The following DLC1 variants were observed in gnomAD, a reference collection of about 807,000 sequenced individuals.
DLC1 encodes DLC1 Rho GTPase activating protein, also known as rho GTPase-activating protein 7.
Under a neutral mutation model 140.3 loss-of-function variants are expected in DLC1, and 54 were observed. The observed-to-expected ratio is 0.38, with a 90% CI of 0.31 to 0.48. The LOEUF is 0.48. Among genes scored for constraint, DLC1 ranks in the 20% least tolerant of loss-of-function variants. The probability of loss-of-function intolerance (pLI) is 0.96; values close to 1 mark genes in which losing one functional copy is unlikely to be tolerated. For missense variants in DLC1, 2,536 were observed against 1,907.0 expected (o/e 1.33, Z -6.14); for synonymous variants, 986 against 728.1 (o/e 1.35, Z -5.70).
chr8:13,514,166 A>C (rs972243652), intron 1 of DLC1, among the ~76,000 whole-genome samples: 1 of 152,042 alleles, frequency 6.6e-6, no homozygotes, highest in Non-Finnish European at 1.5e-5. Context: ...CTCTTTGGAG[A>C]CTGATTATTA....
chr8:13,201,921 G>GTTTTTTTTTTTTTTTTT (rs35475930), intron 5 of DLC1, among the ~76,000 whole-genome samples: 1 of 101,804 alleles, frequency 9.8e-6, no homozygotes, highest in Non-Finnish European at 2.0e-5. Flanking sequence ...TACCCAAAAG[G>GTTTTTTTTTTTTTTTTT]TTTTTTTTTT....
At chr8:13,446,761 T>C (rs1798792618) in intron 2 of DLC1, among the ~76,000 whole-genome samples, 1 of 152,022 alleles carries the variant, frequency 6.6e-6, no homozygotes, top group Non-Finnish European at 1.5e-5. Flanking sequence ...GCCAACATGG[T>C]GAAACCCTGT....
intron 5 of DLC1, among the ~76,000 whole-genome samples, chr8:13,207,930 C>A (rs1269776531): frequency 6.6e-6 from 1 of 152,144 alleles, no homozygotes; most frequent in African/African-American, 2.4e-5. Context: ...CATTTTAAAA[C>A]AGTTTGGAGG....
intron 4 of DLC1, among the ~76,000 whole-genome samples, chr8:13,347,369 C>T (rs192606398): frequency 2.0e-5 from 3 of 152,226 alleles, no homozygotes; most frequent in Admixed American, 2.0e-4. Context: ...ACACAGAGAG[C>T]CCTAAACATA....
intron 5 of DLC1, among the ~76,000 whole-genome samples, chr8:13,204,771 G>A (rs1007895722): frequency 6.6e-6 from 1 of 152,124 alleles, no homozygotes; most frequent in African/African-American, 2.4e-5. Context: ...TCACACTGTG[G>A]CTGGAAATTC....
intron 1 of DLC1, among the ~76,000 whole-genome samples, chr8:13,565,991 TGTAAG>T (rs1357278614): frequency 2.6e-5 from 4 of 152,184 alleles, no homozygotes; most frequent in Non-Finnish European, 5.9e-5. Flanking sequence ...TCTGGACGTG[TGTAAG>T]GTAAGATTTA....
intron 3 of DLC1, among the ~76,000 whole-genome samples, chr8:13,398,417 C>G (rs289572): frequency 0.35 from 53,298 of 151,560 alleles, 10,096 homozygotes; most frequent in East Asian, 0.77. Flanking sequence ...ACTGCTGGAT[C>G]TGTCAAATAA....
intron 1 of DLC1, among the ~76,000 whole-genome samples, chr8:13,502,509 G>T (rs1469063816): frequency 6.6e-6 from 1 of 152,000 alleles, no homozygotes; most frequent in East Asian, 1.9e-4. Context: ...ATTTTGATTT[G>T]TAAGATTTAT....
chr8:13,201,092 T>G (rs1228115192), intron 5 of DLC1, among the ~76,000 whole-genome samples: 9 of 152,018 alleles, frequency 5.9e-5, no homozygotes, highest in Admixed American at 1.3e-4. Context: ...CCTTCTTCCC[T>G]TCAAATAATA....
At chr8:13,284,639 A>G (rs992775004) in intron 5 of DLC1, among the ~76,000 whole-genome samples, 1 of 146,544 alleles carries the variant, frequency 6.8e-6, no homozygotes, top group Non-Finnish European at 1.5e-5. Flanking sequence ...GATCAATACA[A>G]TTGCTTAATC....
At chr8:13,248,160 C>T (rs1368376637) in intron 5 of DLC1, among the ~76,000 whole-genome samples, 1 of 152,208 alleles carries the variant, frequency 6.6e-6, no homozygotes, top group Non-Finnish European at 1.5e-5. Flanking sequence ...TTGTCCAGCA[C>T]TCCTTTGCTC....
intron 4 of DLC1, among the ~76,000 whole-genome samples, chr8:13,357,028 G>T (rs183985558): frequency 2.0e-4 from 31 of 151,908 alleles, no homozygotes; most frequent in African/African-American, 6.8e-4. Flanking sequence ...CAACACTTAG[G>T]GGGGCTGAGG....
At chr8:13,260,981 C>A (rs1422489536) in intron 5 of DLC1, among the ~76,000 whole-genome samples, 2 of 152,092 alleles carry the variant, frequency 1.3e-5, no homozygotes, top group Non-Finnish European at 2.9e-5. Flanking sequence ...TGTGTGTATG[C>A]CTTTTGGTTT....
intron 1 of DLC1, among the ~76,000 whole-genome samples, chr8:13,556,380 G>A (rs1048915835): frequency 3.3e-5 from 5 of 152,118 alleles, no homozygotes; most frequent in African/African-American, 9.7e-5. Context: ...TGATGTCTGC[G>A]TCTGACTTCC....
At chr8:13,539,329 A>G (rs1803406182) in intron 1 of DLC1, among the ~76,000 whole-genome samples, 1 of 152,068 alleles carries the variant, frequency 6.6e-6, no homozygotes, top group Non-Finnish European at 1.5e-5. Context: ...CCTCCTAAGT[A>G]ACTGGGACTA....
chr8:13,252,908 A>C (rs1830073818), intron 5 of DLC1, among the ~76,000 whole-genome samples: 1 of 152,330 alleles, frequency 6.6e-6, no homozygotes, highest in South Asian at 2.1e-4. Flanking sequence ...GAAAACATTA[A>C]GTTTTATCAA....
chr8:13,547,976 A>T (rs1426188736), intron 1 of DLC1, among the ~76,000 whole-genome samples: 2 of 151,992 alleles, frequency 1.3e-5, no homozygotes, highest in Non-Finnish European at 2.9e-5. Flanking sequence ...ATTATTCTCA[A>T]CCACCTATAG....
At chr8:13,139,768 C>G (rs1822837706) in intron 5 of DLC1, among the ~76,000 whole-genome samples, 1 of 152,254 alleles carries the variant, frequency 6.6e-6, no homozygotes, top group Non-Finnish European at 1.5e-5. Flanking sequence ...AGCTCTGATT[C>G]TTTCGTGTGT....
intron 5 of DLC1, among the ~76,000 whole-genome samples, chr8:13,123,788 T>C (rs991869860): frequency 2.0e-5 from 3 of 152,198 alleles, no homozygotes; most frequent in African/African-American, 4.8e-5. Context: ...CCCAAGCACC[T>C]ACAACAGCAC....
Sources: gnomAD v4.1 joint callset for allele counts (sites outside exome capture counted in the v4.1 genomes callset) on GRCh38, gnomAD v4.1.1 for gene constraint, MANE v1.5 for transcripts, NCBI Gene and HGNC (gene_info 2026-07-23, HGNC 2026-07-21) for gene names.